CAMSAP1: variants seen among roughly 807,000 people sequenced by gnomAD.
CAMSAP1 encodes calmodulin-regulated spectrin-associated protein 1.
A neutral mutation model predicts 143.5 loss-of-function variants in CAMSAP1; 58 were observed. The ratio of observed to expected loss-of-function variants is 0.40; its 90% CI spans 0.33 to 0.50. The LOEUF (loss-of-function observed/expected upper bound fraction) is 0.50, where lower values mean the gene tolerates loss of function less well. Ranked by LOEUF, CAMSAP1 falls within the 20% of genes least tolerant of loss-of-function variation. The probability of loss-of-function intolerance (pLI) is 0.45; values close to 1 mark genes in which losing one functional copy is unlikely to be tolerated. For synonymous variants in CAMSAP1, 945 were observed against 859.3 expected, an observed-to-expected ratio of 1.10 and a Z score of -1.74; for missense variants, 1,969 against 2,115.7, an observed-to-expected ratio of 0.93 and a Z score of 1.36.
At chr9:135,877,338 G>T (rs2130971390) in intron 3 of CAMSAP1, among the ~76,000 whole-genome samples, 1 of 152,024 alleles carries the variant, frequency 6.6e-6, no homozygotes, top group East Asian at 1.9e-4. Flanking sequence ...ACCTGCATTG[G>T]GGTAGAGGAT....
chr9:135,866,856 C>T (rs1837396365), intron 3 of CAMSAP1, among the ~76,000 whole-genome samples: 1 of 152,164 alleles, frequency 6.6e-6, no homozygotes, highest in Non-Finnish European at 1.5e-5. Flanking sequence ...AACAGCTAAG[C>T]TTCTCCAACA....
intron 3 of CAMSAP1, among the ~76,000 whole-genome samples, chr9:135,881,112 G>A (rs1337722010): frequency 1.3e-5 from 2 of 152,100 alleles, no homozygotes; most frequent in African/African-American, 4.8e-5. Flanking sequence ...GGAGGTCAAG[G>A]AGGGAGGACT....
intron 3 of CAMSAP1, among the ~76,000 whole-genome samples, chr9:135,878,244 G>A (rs1837817984): frequency 6.6e-6 from 1 of 152,200 alleles, no homozygotes; most frequent in African/African-American, 2.4e-5. Context: ...AGTCCAGGAT[G>A]GCAGACATGC....
At chr9:135,881,933 T>C in intron 2 of CAMSAP1, 139 bp from the exon 3 acceptor site, 2 of 1,036,226 alleles carry the variant, frequency 1.9e-6, no homozygotes, top group Non-Finnish European at 2.8e-6. Context: ...ATACTCAGAT[T>C]TGAGACCTGC....
In CAMSAP1 at chr9:135,824,792, G is replaced by A; in HGVS notation, c.1312C>T (p.Pro438Ser). ...AAGGAGGAAACAACATTCTTACCAGGGATGTCCTCTCCCTGTATGGATTTC... is the reference window on the plus strand; with the variant it reads ...AAGGAGGAAACAACATTCTTACCAGAGATGTCCTCTCCCTGTATGGATTTC... ...QQKSIQGEDI[P>S]DQRHRSNSLT... The change falls in exon 9 of 17, where the codon CCT becomes TCT. Residue 438 changes from proline to serine, a missense_variant. By Grantham distance (74) the Pro-to-Ser change is moderately conservative (BLOSUM62 -1). Transcript: ENST00000389532. The surrounding 1 kb of genome is among the most constrained non-coding windows in gnomAD (Gnocchi z 4.1). 1 of 1,577,374 alleles carries A rather than the reference G, an allele frequency of 6.3e-7. No individual in the cohort carries two copies. The highest frequency in any genetic ancestry group is 8.6e-7 in the Non-Finnish European group (1 of 1,162,220).
intron 1 of CAMSAP1, among the ~76,000 whole-genome samples, chr9:135,905,376 C>A (rs948917586): frequency 1.3e-5 from 2 of 152,206 alleles, no homozygotes; most frequent in Admixed American, 1.3e-4. Flanking sequence ...CGTGAAAGTT[C>A]TTTTTATAGC....
At position 135,821,932 on chromosome 9, in the gene CAMSAP1, A is replaced by C. The variant is rs1445850591; in HGVS notation, c.2729T>G (p.Leu910Arg). 1 of 1,612,760 alleles carries C rather than the reference A, an allele frequency of 6.2e-7. No homozygotes were observed. Among genetic ancestry groups the C allele is most frequent in the Non-Finnish European group, 8.5e-7 (1 of 1,179,586 alleles). Residue 910 changes from leucine to arginine, a missense_variant, in exon 11 of 17, where the codon CTC becomes CGC. By Grantham distance (102) the Leu-to-Arg change is moderately radical. Transcript: ENST00000389532. The surrounding 1 kb of genome is among the most constrained non-coding windows in gnomAD (Gnocchi z 4.6). ...EALSARQRLK[L>R]GKAAFLHVVK... ...CACATGCAGGAATGCAGCCTTGCCG[A>C]GCTTCAGGCGCTGCCTTGCCGACAG...
chr9:135,854,277 A>T (rs1836875078), intron 5 of CAMSAP1, among the ~76,000 whole-genome samples: 1 of 152,252 alleles, frequency 6.6e-6, no homozygotes, highest in Non-Finnish European at 1.5e-5. Context: ...TTTGTCTAAC[A>T]TTTCAAACAC....
At chr9:135,889,022 G>A (rs931611319) in intron 1 of CAMSAP1, among the ~76,000 whole-genome samples, 6 of 152,212 alleles carry the variant, frequency 3.9e-5, no homozygotes, top group African/African-American at 1.4e-4. Flanking sequence ...GGAACCCTCA[G>A]AGAGGGGAGA....
intron 2 of CAMSAP1, 39 bp from the exon 3 acceptor site, chr9:135,881,833 CCCCTCT>C: frequency 6.5e-7 from 1 of 1,545,676 alleles, no homozygotes; most frequent in East Asian, 2.5e-5. Context: ...CTCAAACCCA[CCCCTCT>C]TACCAGGTTC....
In CAMSAP1 at chr9:135,818,021, C is replaced by T. The variant is rs992020972; in HGVS notation, c.4227G>A (p.Thr1409=). 17 of 1,613,830 alleles carry T rather than the reference C, an allele frequency of 1.1e-5. No individual in the cohort carries two copies. Among genetic ancestry groups the T allele is most frequent in the Non-Finnish European group, 1.4e-5 (17 of 1,179,894 alleles). ...GSSLSLASAA[T]TEPESVHSGG... is the part of the protein sequence containing the mutation. Reference sequence around the variant, plus strand: ...CGGAATGAACGCTCTCGGGTTCTGTCGTCGCCGCAGAGGCCAAGGACAGGC... The same window carrying T: ...CGGAATGAACGCTCTCGGGTTCTGTTGTCGCCGCAGAGGCCAAGGACAGGC... The change falls in exon 14 of 17, where the codon ACG becomes ACA. Residue 1409 remains threonine (T), a synonymous_variant. Coordinates refer to ENST00000389532, the MANE Select transcript of CAMSAP1 (RefSeq NM_015447.4). This position sits in a 1 kb window ranked among gnomAD's most constrained non-coding sequence, Gnocchi z 7.7.
chr9:135,901,635 A>G (rs1202318842), intron 1 of CAMSAP1, among the ~76,000 whole-genome samples: 1 of 152,084 alleles, frequency 6.6e-6, no homozygotes, highest in Non-Finnish European at 1.5e-5. Flanking sequence ...AAACAAGAAC[A>G]GGCAAGTCTT....
chr9:135,877,990 C>T (rs945427231), intron 3 of CAMSAP1, among the ~76,000 whole-genome samples: 21 of 152,310 alleles, frequency 1.4e-4, no homozygotes, highest in African/African-American at 5.1e-4. Flanking sequence ...GCAGCAGATT[C>T]CTCAGCCTGG....
intron 1 of CAMSAP1, among the ~76,000 whole-genome samples, chr9:135,896,765 T>G (rs1838468458): frequency 6.6e-6 from 1 of 152,276 alleles, no homozygotes; most frequent in East Asian, 1.9e-4. Context: ...GTGGTCTGAG[T>G]GTTTTCTGCC....
intron 7 of CAMSAP1, among the ~76,000 whole-genome samples, chr9:135,831,999 A>G (rs1295756069): frequency 6.6e-6 from 1 of 152,212 alleles, no homozygotes; most frequent in African/African-American, 2.4e-5. Context: ...TGGCTTCACT[A>G]CTGAATTCTA....
At chr9:135,843,806 G>A (rs1161120295) in intron 7 of CAMSAP1, among the ~76,000 whole-genome samples, 5 of 150,674 alleles carry the variant, frequency 3.3e-5, no homozygotes, top group Admixed American at 2.0e-4. Flanking sequence ...CCTGGGAGGC[G>A]GAGCTTGCAG....
chr9:135,836,457 A>G (rs1384800228), intron 7 of CAMSAP1: 1 of 983,470 alleles, frequency 1.0e-6, no homozygotes, highest in African/African-American at 1.8e-5. Flanking sequence ...TGTTCTACAG[A>G]CACGTCACCA....
intron 7 of CAMSAP1, among the ~76,000 whole-genome samples, chr9:135,848,045 T>C (rs963568441): frequency 5.0e-5 from 7 of 140,966 alleles, no homozygotes; most frequent in African/African-American, 1.6e-4. Flanking sequence ...GGAAAGCCTA[T>C]TCTACCTTAA....
chr9:135,888,485 A>G (rs542628095), intron 1 of CAMSAP1, among the ~76,000 whole-genome samples: 133 of 152,288 alleles, frequency 8.7e-4, no homozygotes, highest in African/African-American at 3.1e-3. Flanking sequence ...ACTCAGCCCC[A>G]GGAAAAAAGA....
Sources: gnomAD v4.1 joint callset for allele counts (sites outside exome capture counted in the v4.1 genomes callset) on GRCh38, gnomAD v4.1.1 for gene constraint, Gnocchi (gnomAD v3.1) non-coding constraint, MANE v1.5 for transcripts, NCBI Gene and HGNC (gene_info 2026-07-23, HGNC 2026-07-21) for gene names.